The following AZIN2 variants were observed in gnomAD, a reference collection of about 807,000 sequenced individuals.
The protein encoded by AZIN2 is ODC antizyme inhibitor-2.
Under a neutral mutation model 47.8 loss-of-function variants are expected in AZIN2, and 28 were observed. The observed-to-expected ratio is 0.59, with a 90% CI of 0.43 to 0.80. The LOEUF (loss-of-function observed/expected upper bound fraction) is 0.80. Ranked by LOEUF, AZIN2 falls within the 30% of genes least tolerant of loss-of-function variation. The pLI, the probability that AZIN2 is intolerant of heterozygous loss-of-function variation, is 0.00. For missense variants in AZIN2, 535 were observed against 582.5 expected, an observed-to-expected ratio of 0.92 and a Z score of 0.84; for synonymous variants, 221 against 239.4, an observed-to-expected ratio of 0.92 and a Z score of 0.71.
chr1:33,154,304 A>C, the AZIN2 span, among the ~76,000 whole-genome samples: 1 of 152,044 alleles, frequency 6.6e-6, no homozygotes, highest in Non-Finnish European at 1.5e-5. Flanking sequence ...ACAGCCCTGG[A>C]GCAGGGAGCC....
the AZIN2 span, chr1:33,147,433 A>G: frequency 3.1e-6 from 5 of 1,614,062 alleles, no homozygotes; most frequent in South Asian, 2.2e-5. The surrounding 1 kb of genome is among the most constrained non-coding windows in gnomAD (Gnocchi z 8.1). Flanking sequence ...GCCATCGTGC[A>G]TCACGATGCA....
intron 11 of AZIN2, chr1:33,119,809 A>C: frequency 1.7e-6 from 1 of 583,972 alleles, no homozygotes; most frequent in Non-Finnish European, 3.1e-6. Flanking sequence ...GCCTGGCATG[A>C]TGTCTGGCAT....
the AZIN2 span, chr1:33,165,647 G>GCAGT: frequency 7.9e-7 from 1 of 1,260,086 alleles, no homozygotes. The surrounding 1 kb of genome is among the most constrained non-coding windows in gnomAD (Gnocchi z 4.0). Context: ...CCAGGCGCTG[G>GCAGT]GGGTTAGCCT....
At chr1:33,101,588 G>A (rs1337224153) in intron 10 of AZIN2, among the ~76,000 whole-genome samples, 1 of 150,120 alleles carries the variant, frequency 6.7e-6, no homozygotes, top group South Asian at 2.1e-4. Context: ...GGGAGATCTT[G>A]TCTTTGTTTT....
the AZIN2 span, among the ~76,000 whole-genome samples, chr1:33,140,319 C>T: frequency 1.8e-4 from 27 of 152,234 alleles, 1 homozygote; most frequent in Admixed American, 1.6e-3. The surrounding 1 kb of genome is among the most constrained non-coding windows in gnomAD (Gnocchi z 4.0). Flanking sequence ...GCACAAACCT[C>T]CAGCCTGTCT....
intron 5 of AZIN2, 127 bp downstream of exon 5, chr1:33,084,254 A>C: frequency 9.1e-7 from 1 of 1,100,308 alleles, no homozygotes; most frequent in Non-Finnish European, 1.3e-6. Flanking sequence ...TGGGAAGACC[A>C]CCCACTCAGG....
At chr1:33,094,487 G>A in intron 7 of AZIN2, 61 bp from the exon 8 acceptor site, 1 of 1,540,302 alleles carries the variant, frequency 6.5e-7, no homozygotes, top group Non-Finnish European at 8.9e-7. Context: ...TTCTTGGCTG[G>A]GGCTCAGGTG....
chr1:33,153,546 C>T, the AZIN2 span, among the ~76,000 whole-genome samples: 4 of 152,176 alleles, frequency 2.6e-5, no homozygotes, highest in Admixed American at 6.5e-5. Context: ...GAGCACAGAG[C>T]GGGGCCCTGC....
chr1:33,097,660 A>G (rs559081282), intron 9 of AZIN2, among the ~76,000 whole-genome samples: 13 of 152,272 alleles, frequency 8.5e-5, no homozygotes, highest in African/African-American at 3.1e-4. Context: ...GGCTTCCTTT[A>G]TAGACCTGGG....
chr1:33,082,404 C>A, intron 4 of AZIN2, 50 bp downstream of exon 4: 2 of 1,415,416 alleles, frequency 1.4e-6, no homozygotes, highest in Non-Finnish European at 9.8e-7. Context: ...TACAGATCAG[C>A]TGCCTCCTCA....
chr1:33,093,233 G>A, intron 6 of AZIN2, 49 bp from the exon 7 acceptor site: 1 of 1,607,162 alleles, frequency 6.2e-7, no homozygotes, highest in Non-Finnish European at 8.5e-7. Context: ...TGTGGCTGGG[G>A]TGGGGCGACA....
rs183097121 is a variant in AZIN2 at position 33,095,044 on chromosome 1, A to G, written c.753+331A>G. ...GGCCTCTTCACCCTAAGGTGGGCTG[A>G]TGAGATATCGGGTGGGGAGGCAGGG... On this transcript the variant is annotated intron_variant, in intron 8 of 11. Coordinates refer to ENST00000294517, the MANE Select transcript of AZIN2 (RefSeq NM_052998.4). 5.1e-3 allele frequency among the ~76,000 whole-genome samples: 784 copies of G among 152,312 alleles called. 3 individuals carry two copies. Among genetic ancestry groups the G allele is most frequent in the Non-Finnish European group, 8.6e-3 (586 of 68,020 alleles).
At chr1:33,149,019 C>T in the AZIN2 span, among the ~76,000 whole-genome samples, 2 of 152,348 alleles carry the variant, frequency 1.3e-5, no homozygotes, top group East Asian at 1.9e-4. Context: ...ACACGGTTCC[C>T]TCCACCTCCT....
At chr1:33,150,963 T>G in the AZIN2 span, among the ~76,000 whole-genome samples, 1 of 151,968 alleles carries the variant, frequency 6.6e-6, no homozygotes, top group South Asian at 2.1e-4. Context: ...CCTGGGTGAT[T>G]TGAGACCAGC....
chr1:33,082,149 G>T (rs116730956), intron 3 of AZIN2, 29 bp from the exon 4 acceptor site: 9 of 981,794 alleles, frequency 9.2e-6, no homozygotes, highest in South Asian at 6.9e-5. Flanking sequence ...GCCCCCCAGC[G>T]GTTCCCTTCA....
In AZIN2 at chr1:33,084,069, GC is replaced by G. The variant is rs745692253; in HGVS notation, c.224del (p.Pro75GlnfsTer4). ...RPFYAVKCNS[S>X]PGVLKVLAQL... ...TTTTATGCTGTCAAGTGCAACAGCA[GC>G]CCAGGTGTGCTGAAGGTTCTGGCCC... On this transcript the variant is annotated frameshift_variant, in exon 5 of 12. Coordinates refer to ENST00000294517, the MANE Select transcript of AZIN2 (RefSeq NM_052998.4). LOFTEE classifies it high-confidence loss of function. 18 of 1,613,700 alleles carry G rather than the reference GC, an allele frequency of 1.1e-5. No individual in the cohort carries two copies.
the AZIN2 span, among the ~76,000 whole-genome samples, chr1:33,153,492 G>A: frequency 6.6e-6 from 1 of 152,160 alleles, no homozygotes; most frequent in East Asian, 1.9e-4. Context: ...CTGGCTACTG[G>A]CATCTAATGG....
intron 11 of AZIN2, chr1:33,118,599 C>T: frequency 6.3e-6 from 1 of 158,300 alleles, no homozygotes; most frequent in Non-Finnish European, 1.4e-5. Flanking sequence ...CAGTTTGAAG[C>T]AGGGGCATAA....
At chr1:33,132,751 G>A in the AZIN2 span, among the ~76,000 whole-genome samples, 519 of 152,306 alleles carry the variant, frequency 3.4e-3, 2 homozygotes, top group African/African-American at 0.012. Context: ...CACATGGCAC[G>A]CACTTGAGTG....
Sources: gnomAD v4.1 joint callset for allele counts (sites outside exome capture counted in the v4.1 genomes callset) on GRCh38, gnomAD v4.1.1 for gene constraint, Gnocchi (gnomAD v3.1) non-coding constraint, MANE v1.5 for transcripts, NCBI Gene and HGNC (gene_info 2026-07-23, HGNC 2026-07-21) for gene names.